The following IL1RL2 variants were observed in gnomAD, a reference collection of about 807,000 sequenced individuals.
IL1RL2 encodes interleukin 1 receptor like 2, also known as interleukin-1 receptor-like 2.
IL1RL2 carries 68 observed loss-of-function variants against 66.8 expected under a neutral mutation model. The observed-to-expected ratio is 1.02, with a 90% CI of 0.84 to 1.25. The LOEUF (loss-of-function observed/expected upper bound fraction) is 1.25, where lower values mean the gene tolerates loss of function less well. Among genes scored for constraint, IL1RL2 ranks in the 50% most tolerant of loss-of-function variants. The probability of loss-of-function intolerance (pLI) is 0.00; values close to 1 mark genes in which losing one functional copy is unlikely to be tolerated. For synonymous variants in IL1RL2, 305 were observed against 264.6 expected (o/e 1.15, Z -1.48); for missense variants, 729 against 709.3 (o/e 1.03, Z -0.32).
intron 5 of IL1RL2, among the ~76,000 whole-genome samples, chr2:102,211,413 G>T: frequency 6.6e-6 from 1 of 152,008 alleles, no homozygotes; most frequent in East Asian, 1.9e-4. Context: ...TAGTAGAAGA[G>T]GACGGGATAT....
chr2:102,221,320 A>G (rs1484439500), intron 8 of IL1RL2, among the ~76,000 whole-genome samples: 1 of 151,962 alleles, frequency 6.6e-6, no homozygotes, highest in African/African-American at 2.4e-5. Context: ...CCTTTATGGC[A>G]TCAACTGTCA....
chr2:102,236,827 T>A (rs1674928894), intron 11 of IL1RL2, among the ~76,000 whole-genome samples: 1 of 152,200 alleles, frequency 6.6e-6, no homozygotes, highest in African/African-American at 2.4e-5. Context: ...ATGGCTACTA[T>A]AATTCATTAC....
At chr2:102,229,007 T>C (rs1398280743) in intron 9 of IL1RL2, among the ~76,000 whole-genome samples, 4 of 152,202 alleles carry the variant, frequency 2.6e-5, no homozygotes, top group African/African-American at 9.6e-5. Flanking sequence ...TCTATGCATA[T>C]TGGGGGTAAA....
Position 102,235,275 on chromosome 2 carries a change from C to T in IL1RL2, c.1676C>T (p.Ala559Val). The T allele has an allele frequency of 6.2e-7, 1 of 1,611,722 alleles. No homozygotes were observed. The highest frequency in any genetic ancestry group is 8.5e-7 in the Non-Finnish European group (1 of 1,178,846). ...CAGCACACACCTTGCTACCGCACCG[C>T]AGGTGAGCGGGTGGGAGGACACGAG... ...LLQHTPCYRT[A>V]GPELGSRRKK... The change falls in exon 11 of 12, where the codon GCA becomes GTA. Residue 559 changes from alanine to valine, a missense_variant and splice_region_variant. Ala to Val is a moderately conservative substitution (Grantham distance 64, BLOSUM62 0). Coordinates refer to ENST00000264257, the MANE Select transcript of IL1RL2 (RefSeq NM_003854.4).
intron 8 of IL1RL2, among the ~76,000 whole-genome samples, chr2:102,223,900 G>T (rs1690367090): frequency 3.3e-5 from 5 of 152,130 alleles, no homozygotes; most frequent in Non-Finnish European, 7.4e-5. Context: ...GAAGTGAGAG[G>T]TTCTCACAAG....
intron 9 of IL1RL2, among the ~76,000 whole-genome samples, chr2:102,231,899 A>T (rs1308792406): frequency 6.6e-6 from 1 of 152,224 alleles, no homozygotes; most frequent in Non-Finnish European, 1.5e-5. Context: ...GGCCTGAATC[A>T]AGAGGGAGTC....
At chr2:102,242,785 G>A (rs1231374896), downstream of IL1RL2, among the ~76,000 whole-genome samples, 1 of 152,154 alleles carries the variant, frequency 6.6e-6, no homozygotes, top group African/African-American at 2.4e-5. Context: ...TTCAGCCCAG[G>A]CAAGTTGACA....
At chr2:102,240,361 CTTTTTT>C (rs551743835), downstream of IL1RL2, among the ~76,000 whole-genome samples, 130 of 79,776 alleles carry the variant, frequency 1.6e-3, no homozygotes, top group African/African-American at 5.8e-3. Context: ...TCTTCTCCTC[CTTTTTT>C]TTTTTTTTTT....
intron 9 of IL1RL2, among the ~76,000 whole-genome samples, chr2:102,232,274 G>T (rs1691205916): frequency 6.6e-6 from 1 of 151,990 alleles, no homozygotes; most frequent in African/African-American, 2.4e-5. Context: ...ACCATGTCTG[G>T]CTAATTTTTT....
rs574530533 is a variant in IL1RL2, at chr2:102,187,264, C to T, written c.-13+178C>T. On this transcript the variant is annotated intron_variant, in intron 1 of 11. Coordinates refer to ENST00000264257, the MANE Select transcript of IL1RL2 (RefSeq NM_003854.4). ...GGGGGAGCCGACTCCGTCTCTGGGTCGAGGAGTGGAGCTCGCGGCTATTTT... is the reference window on the plus strand; with the variant it reads ...GGGGGAGCCGACTCCGTCTCTGGGTTGAGGAGTGGAGCTCGCGGCTATTTT... 5.1e-6 allele frequency: 6 copies of T among 1,181,562 alleles called. No individual in the cohort carries two copies. In the African/African-American group the frequency reaches 9.6e-5, roughly 19 times the overall value. The allele number at this position is 1,181,562 out of a possible 1,614,324, so 73.2% of individuals were successfully genotyped here.
intron 4 of IL1RL2, among the ~76,000 whole-genome samples, chr2:102,195,631 C>CTT (rs1559530311): frequency 1.4e-3 from 34 of 24,424 alleles, no homozygotes; most frequent in African/African-American, 2.9e-3. Context: ...CTTTCTTTCT[C>CTT]TCTCTCTCTC....
intron 4 of IL1RL2, among the ~76,000 whole-genome samples, chr2:102,198,969 T>A (rs1688012071): frequency 6.6e-6 from 1 of 152,180 alleles, no homozygotes; most frequent in South Asian, 2.1e-4. Flanking sequence ...ATCTATTTTT[T>A]AATCTTACCC....
intron 5 of IL1RL2, among the ~76,000 whole-genome samples, chr2:102,207,667 C>A (rs1375828958): frequency 6.6e-6 from 1 of 151,906 alleles, no homozygotes; most frequent in African/African-American, 2.4e-5. Context: ...AGGAAAGCGT[C>A]TCTTTTATAG....
At chr2:102,203,770 T>G (rs1688469444) in intron 5 of IL1RL2, among the ~76,000 whole-genome samples, 1 of 152,108 alleles carries the variant, frequency 6.6e-6, no homozygotes, top group Non-Finnish European at 1.5e-5. Context: ...GTCTCCTTAT[T>G]CATTTCTGGT....
intron 8 of IL1RL2, among the ~76,000 whole-genome samples, chr2:102,223,785 A>T (rs1198450330): frequency 6.6e-6 from 1 of 152,308 alleles, no homozygotes; most frequent in South Asian, 2.1e-4. Context: ...CCCAGACACG[A>T]GTCGTCCCAA....
chr2:102,240,200 T>C (rs924674171), downstream of IL1RL2, among the ~76,000 whole-genome samples: 3 of 152,258 alleles, frequency 2.0e-5, no homozygotes, highest in Non-Finnish European at 2.9e-5. Flanking sequence ...ATTGAGGCTA[T>C]AGAGAAACAT....
intron 5 of IL1RL2, among the ~76,000 whole-genome samples, chr2:102,210,703 A>G (rs529382140): frequency 1.3e-5 from 2 of 152,352 alleles, no homozygotes; most frequent in South Asian, 2.1e-4. Flanking sequence ...GATGCTATTC[A>G]GTGAAGGAAA....
intron 9 of IL1RL2, among the ~76,000 whole-genome samples, chr2:102,230,054 G>A (rs1007188632): frequency 3.9e-5 from 6 of 152,176 alleles, no homozygotes; most frequent in African/African-American, 1.4e-4. Flanking sequence ...GTGGCAATAA[G>A]CCTGCATGTC....
At chr2:102,191,876 T>C (rs776847366) in intron 3 of IL1RL2, 49 bp from the exon 4 acceptor site, 1 of 1,238,664 alleles carries the variant, frequency 8.1e-7, no homozygotes, top group Non-Finnish European at 1.2e-6. Context: ...AATTATTTGA[T>C]TTTGTGATTT....
Sources: gnomAD v4.1 joint callset for allele counts (sites outside exome capture counted in the v4.1 genomes callset) on GRCh38, gnomAD v4.1.1 for gene constraint, MANE v1.5 for transcripts, NCBI Gene and HGNC (gene_info 2026-07-23, HGNC 2026-07-21) for gene names.